Variants in SGK3 observed in about 807,000 individuals in gnomAD.
The protein encoded by SGK3 is serum/glucocorticoid regulated kinase family member 3, also known as serine/threonine-protein kinase Sgk3.
Under a neutral mutation model 68.5 loss-of-function variants are expected in SGK3, and 47 were observed. The observed-to-expected ratio is 0.69, with a 90% CI of 0.54 to 0.87. The LOEUF (loss-of-function observed/expected upper bound fraction) is 0.87. Ranked by LOEUF, SGK3 falls within the 40% of genes least tolerant of loss-of-function variation. SGK3 has a pLI of 0.00. For synonymous variants in SGK3, 181 were observed against 189.1 expected (o/e 0.96, Z 0.35); for missense variants, 479 against 575.5 (o/e 0.83, Z 1.72).
At chr8:66,829,966 A>G (rs923117110) in intron 7 of SGK3, among the ~76,000 whole-genome samples, 3 of 149,734 alleles carry the variant, frequency 2.0e-5, no homozygotes, top group African/African-American at 7.4e-5. Flanking sequence ...TCTGCCTCCC[A>G]GGTTCTCCCT....
At chr8:66,764,266 G>C (rs1806253687) in intron 1 of SGK3, among the ~76,000 whole-genome samples, 1 of 151,752 alleles carries the variant, frequency 6.6e-6, no homozygotes, top group African/African-American at 2.4e-5. Context: ...TTTGTCCTTT[G>C]AGTTTATTCC....
intron 1 of SGK3, among the ~76,000 whole-genome samples, chr8:66,744,496 TATATATATATATATATA>T (rs1805573253): frequency 2.2e-4 from 5 of 23,058 alleles, no homozygotes; most frequent in African/African-American, 6.7e-4. Context: ...TATATATATA[TATATATATATATATATA>T]TATATATTTT....
Position 66,829,193 on chromosome 8 carries a change from G to A in SGK3, c.467+490G>A, listed in dbSNP as rs111847638. Among the ~76,000 whole-genome samples, 1,063 of 152,248 alleles carry A rather than the reference G, an allele frequency of 7.0e-3. 13 individuals are homozygous for A. Among genetic ancestry groups the A allele is most frequent in the African/African-American group, 0.024 (986 of 41,548 alleles). On this transcript the variant is annotated intron_variant, in intron 7 of 16. Coordinates refer to ENST00000521198, the MANE Select transcript of SGK3 (RefSeq NM_001033578.3). ...TAAAGGCTATTAAACTTTGTTTACC[G>A]AGTTTCTCCCCATATTCCCAGGCTA...
At chr8:66,838,554 C>T (rs1422316781) in intron 10 of SGK3, among the ~76,000 whole-genome samples, 1 of 152,038 alleles carries the variant, frequency 6.6e-6, no homozygotes, top group Admixed American at 6.6e-5. Flanking sequence ...GGTGAGATAC[C>T]ACTGCGAGCT....
rs146906015 is a variant in SGK3 at position 66,724,448 on chromosome 8, C to T, written c.-122+11615C>T. On this transcript the variant is annotated intron_variant, in intron 1 of 16. Coordinates refer to ENST00000521198, the MANE Select transcript of SGK3 (RefSeq NM_001033578.3). ...AAAATTAGCCAGGTGTGGTGGCGGA[C>T]ACCTGTAGTCCCAGCTACTTGGGAG... 6.5e-3 allele frequency among the ~76,000 whole-genome samples: 984 copies of T among 152,292 alleles called. 16 individuals carry two copies. The highest frequency in any genetic ancestry group is 0.059 in the East Asian group (302 of 5,148).
intron 1 of SGK3, among the ~76,000 whole-genome samples, chr8:66,734,228 CTTT>C (rs529741200): frequency 5.7e-4 from 59 of 104,202 alleles, no homozygotes; most frequent in African/African-American, 1.7e-3. Flanking sequence ...CTTTTTCTTT[CTTT>C]TTTTTTTTTT....
At chr8:66,743,673 C>T (rs139088087) in intron 1 of SGK3, among the ~76,000 whole-genome samples, 1,936 of 152,362 alleles carry the variant, frequency 0.013, 38 homozygotes, top group African/African-American at 0.044. Context: ...AGGCAAGTGC[C>T]ACCATGCCCA....
intron 6 of SGK3, among the ~76,000 whole-genome samples, chr8:66,822,858 T>G (rs1808901163): frequency 6.6e-6 from 1 of 152,132 alleles, no homozygotes; most frequent in Non-Finnish European, 1.5e-5. Context: ...TGACCTCAAA[T>G]GATCCACCTG....
chr8:66,780,645 G>A (rs1462200049), intron 1 of SGK3, among the ~76,000 whole-genome samples: 1 of 152,142 alleles, frequency 6.6e-6, no homozygotes, highest in Admixed American at 6.5e-5. Context: ...AGTTTGTTCT[G>A]GTATGAGTCT....
intron 1 of SGK3, among the ~76,000 whole-genome samples, chr8:66,779,871 G>A (rs1479837144): frequency 1.3e-5 from 2 of 151,626 alleles, no homozygotes; most frequent in Non-Finnish European, 2.9e-5. Flanking sequence ...TTACTAATGT[G>A]ATAATAGTTT....
rs774075391 is a variant in SGK3 at position 66,835,925 on chromosome 8, C to A, written c.610-18C>A. On this transcript the variant is annotated intron_variant, in intron 9 of 16. Transcript: ENST00000521198. ...TTTTCTAGTGTATAATACAATTGAT[C>A]TTTTGCCTTTTTTCCAGCAAAAACA... 45 of 1,612,312 alleles carry A rather than the reference C, an allele frequency of 2.8e-5. No individual in the cohort carries two copies. The highest frequency in any genetic ancestry group is 6.7e-5 in the Admixed American group (4 of 59,650).
At chr8:66,805,106 A>T (rs1339351490) in intron 4 of SGK3, among the ~76,000 whole-genome samples, 3 of 152,034 alleles carry the variant, frequency 2.0e-5, no homozygotes, top group Non-Finnish European at 4.4e-5. Context: ...CCTTCAGGTT[A>T]ATTTGGGAAA....
At chr8:66,764,856 C>G (rs1806272256) in intron 1 of SGK3, among the ~76,000 whole-genome samples, 1 of 152,160 alleles carries the variant, frequency 6.6e-6, no homozygotes, top group Non-Finnish European at 1.5e-5. Flanking sequence ...ATAATGTTTT[C>G]AAGGTTCATT....
intron 10 of SGK3, 114 bp from the exon 11 acceptor site, chr8:66,839,889 C>G: frequency 2.0e-6 from 2 of 983,742 alleles, no homozygotes; most frequent in South Asian, 1.8e-5. Flanking sequence ...AGCTCACATT[C>G]AAAGTAACAA....
At chr8:66,793,591 C>CTTTTTTTTTTTTTTTTTTT in intron 1 of SGK3, 25 bp from the exon 2 acceptor site, 1 of 564,918 alleles carries the variant, frequency 1.8e-6, no homozygotes. Flanking sequence ...TTGCTAATCA[C>CTTTTTTTTTTTTTTTTTTT]TTTTTTTTTT....
At chr8:66,839,217 G>A (rs1009610130) in intron 10 of SGK3, among the ~76,000 whole-genome samples, 2 of 151,684 alleles carry the variant, frequency 1.3e-5, no homozygotes, top group Non-Finnish European at 2.9e-5. Context: ...GGGACCCAGT[G>A]GAAACTTCCC....
At chr8:66,842,223 C>A (rs1413616917) in intron 13 of SGK3, among the ~76,000 whole-genome samples, 3 of 137,740 alleles carry the variant, frequency 2.2e-5, no homozygotes, top group African/African-American at 7.9e-5. Context: ...TTTTCTTTTC[C>A]TTTTTTTTTT....
intron 1 of SGK3, among the ~76,000 whole-genome samples, chr8:66,770,077 C>A (rs1806458577): frequency 6.6e-6 from 1 of 152,160 alleles, no homozygotes; most frequent in African/African-American, 2.4e-5. Context: ...CCTCAGCCTC[C>A]CGAGTAGCTG....
At chr8:66,805,848 AAG>A (rs987053242) in intron 4 of SGK3, among the ~76,000 whole-genome samples, 30 of 152,332 alleles carry the variant, frequency 2.0e-4, no homozygotes, top group African/African-American at 6.5e-4. Flanking sequence ...TAAGAAAAGA[AAG>A]AGAGAGATCT....
Sources: gnomAD v4.1 joint callset for allele counts (sites outside exome capture counted in the v4.1 genomes callset) on GRCh38, gnomAD v4.1.1 for gene constraint, MANE v1.5 for transcripts, NCBI Gene and HGNC (gene_info 2026-07-23, HGNC 2026-07-21) for gene names.